NRXN3: variants seen among roughly 807,000 people sequenced by gnomAD.
NRXN3 encodes the protein neurexin III.
NRXN3 carries 32 observed loss-of-function variants against 137.6 expected under a neutral mutation model. The observed-to-expected ratio is 0.23, with a 90% CI of 0.18 to 0.31. The LOEUF (loss-of-function observed/expected upper bound fraction) is 0.31. Ranked by LOEUF, NRXN3 falls within the 10% of genes least tolerant of loss-of-function variation. The pLI, the probability that NRXN3 is intolerant of heterozygous loss-of-function variation, is 1.00. For synonymous variants in NRXN3, 798 were observed against 784.5 expected (o/e 1.02, Z -0.29); for missense variants, 1,574 against 2,062.5 (o/e 0.76, Z 4.59).
rs562423305 is a variant in NRXN3 at position 78,546,745 on chromosome 14, G to A, written c.758-98375G>A. On this transcript the variant is annotated intron_variant, in intron 4 of 20. Coordinates refer to ENST00000335750, the MANE Select transcript of NRXN3 (RefSeq NM_001330195.2). ...AATAGCTAACACTTACTGCTGCTAT[G>A]TGGTAAGCATTGTTATATAGGCACT... is the stretch of plus-strand genomic sequence containing the variant. 2.0e-5 allele frequency among the ~76,000 whole-genome samples: 3 copies of A among 152,288 alleles called. No individual in the cohort carries two copies. In the East Asian group the frequency reaches 5.8e-4, roughly 29 times the overall value.
intron 8 of NRXN3, among the ~76,000 whole-genome samples, chr14:78,783,650 A>G (rs555336584): frequency 1.3e-5 from 2 of 152,302 alleles, no homozygotes; most frequent in South Asian, 4.1e-4. Flanking sequence ...TAACTTTTCT[A>G]TAAGTATGTA....
intron 2 of NRXN3, among the ~76,000 whole-genome samples, chr14:78,274,115 G>A (rs2073213933): frequency 6.6e-6 from 1 of 152,186 alleles, no homozygotes; most frequent in Admixed American, 6.5e-5. Flanking sequence ...TGAGGTGGGA[G>A]GACTACCCCG....
At chr14:79,194,740 C>A (rs2064905466) in intron 15 of NRXN3, among the ~76,000 whole-genome samples, 1 of 152,082 alleles carries the variant, frequency 6.6e-6, no homozygotes, top group Non-Finnish European at 1.5e-5. Flanking sequence ...TGTGTATAAA[C>A]CTGGCTTTGG....
intron 4 of NRXN3, among the ~76,000 whole-genome samples, chr14:78,537,402 A>T (rs2096546577): frequency 1.3e-5 from 2 of 152,188 alleles, no homozygotes; most frequent in African/African-American, 4.8e-5. Context: ...GGCTGCATAG[A>T]TGTCTTCTTT....
At chr14:78,755,585 T>C (rs777591699) in intron 8 of NRXN3, among the ~76,000 whole-genome samples, 1 of 152,226 alleles carries the variant, frequency 6.6e-6, no homozygotes, top group African/African-American at 2.4e-5. Context: ...GTGTGAGTTA[T>C]GTTGGGTCTT....
chr14:79,389,556 C>G (rs2094769289), intron 15 of NRXN3, among the ~76,000 whole-genome samples: 1 of 152,218 alleles, frequency 6.6e-6, no homozygotes, highest in Non-Finnish European at 1.5e-5. Context: ...CCAAACCCTT[C>G]TTTCCTCATC....
intron 16 of NRXN3, among the ~76,000 whole-genome samples, chr14:79,572,513 A>G (rs1019724709): frequency 6.6e-6 from 1 of 152,144 alleles, no homozygotes; most frequent in Non-Finnish European, 1.5e-5. Context: ...AGAGGTTCAC[A>G]GCATCGTGCT....
intron 15 of NRXN3, among the ~76,000 whole-genome samples, chr14:79,031,100 A>C (rs978268910): frequency 2.6e-5 from 4 of 152,088 alleles, no homozygotes; most frequent in African/African-American, 9.7e-5. Flanking sequence ...TCTTTCTATA[A>C]GCAGGATTTT....
intron 6 of NRXN3, among the ~76,000 whole-genome samples, chr14:78,692,909 C>T (rs1001034373): frequency 4.7e-5 from 7 of 150,046 alleles, no homozygotes; most frequent in African/African-American, 1.5e-4. Flanking sequence ...AGTGAAATCC[C>T]GTCTCTACTA....
chr14:78,947,118 C>G (rs2099366997), intron 10 of NRXN3, among the ~76,000 whole-genome samples: 1 of 152,164 alleles, frequency 6.6e-6, no homozygotes, highest in Admixed American at 6.5e-5. Flanking sequence ...CTGGGTCTTG[C>G]AGTTGCATAC....
At chr14:78,455,174 C>G (rs1184934377) in intron 4 of NRXN3, among the ~76,000 whole-genome samples, 4 of 152,210 alleles carry the variant, frequency 2.6e-5, no homozygotes, top group Non-Finnish European at 5.9e-5. Context: ...CACTGCACCC[C>G]CTACATGGGA....
chr14:79,556,995 A>T (rs1881034282), intron 16 of NRXN3, among the ~76,000 whole-genome samples: 2 of 151,928 alleles, frequency 1.3e-5, no homozygotes, highest in African/African-American at 4.8e-5. Flanking sequence ...ATTATATATG[A>T]AAACCCATCA....
intron 15 of NRXN3, among the ~76,000 whole-genome samples, chr14:79,140,248 A>G (rs2058666410): frequency 2.0e-5 from 3 of 152,176 alleles, no homozygotes; most frequent in African/African-American, 7.2e-5. Context: ...TGGTTTGGTC[A>G]TATGGTGCTT....
chr14:79,812,679 C>T (rs932678283), intron 20 of NRXN3, among the ~76,000 whole-genome samples: 1 of 152,114 alleles, frequency 6.6e-6, no homozygotes, highest in Non-Finnish European at 1.5e-5. Context: ...GGAATTAGTA[C>T]AGCTCAGTAA....
At chr14:78,203,021 A>G (rs1459242728) in intron 1 of NRXN3, among the ~76,000 whole-genome samples, 2 of 152,084 alleles carry the variant, frequency 1.3e-5, no homozygotes, top group Non-Finnish European at 2.9e-5. Flanking sequence ...CTGGCTGGGG[A>G]TGGGGCTTGT....
chr14:79,499,963 G>A (rs1016114139), intron 16 of NRXN3, among the ~76,000 whole-genome samples: 3 of 147,454 alleles, frequency 2.0e-5, no homozygotes, highest in Admixed American at 1.4e-4. Context: ...GGTCGTGTGT[G>A]TGTGTGTGTG....
intron 15 of NRXN3, among the ~76,000 whole-genome samples, chr14:79,208,450 C>T (rs1277265920): frequency 5.9e-5 from 9 of 152,170 alleles, no homozygotes; most frequent in African/African-American, 1.9e-4. Flanking sequence ...ACACTAAGAA[C>T]ATTAAAATAT....
chr14:79,561,154 G>A (rs1425811328), intron 16 of NRXN3, among the ~76,000 whole-genome samples: 3 of 152,200 alleles, frequency 2.0e-5, no homozygotes, highest in Non-Finnish European at 4.4e-5. Context: ...AGAGAAAGAA[G>A]CAGGTTGGCC....
chr14:78,543,681 G>C (rs2096612504), intron 4 of NRXN3, among the ~76,000 whole-genome samples: 1 of 151,962 alleles, frequency 6.6e-6, no homozygotes, highest in Admixed American at 6.6e-5. Flanking sequence ...TTGCAATCTG[G>C]CCTTTTATTA....
Sources: gnomAD v4.1 joint callset for allele counts (sites outside exome capture counted in the v4.1 genomes callset) on GRCh38, gnomAD v4.1.1 for gene constraint, MANE v1.5 for transcripts, NCBI Gene and HGNC (gene_info 2026-07-23, HGNC 2026-07-21) for gene names.